PDE1C: variants seen among roughly 807,000 people sequenced by gnomAD.
PDE1C encodes the protein phosphodiesterase 1C.
PDE1C carries 62 observed loss-of-function variants against 93.1 expected under a neutral mutation model. That is an observed-to-expected ratio of 0.67 (90% CI 0.54 to 0.82). PDE1C has a LOEUF of 0.82. Ranked by LOEUF, PDE1C falls within the 40% of genes least tolerant of loss-of-function variation. PDE1C has a pLI of 0.00. For synonymous variants in PDE1C, 325 were observed against 310.1 expected (o/e 1.05, Z -0.50); for missense variants, 742 against 884.6 (o/e 0.84, Z 2.04).
At chr7:32,321,547 A>G (rs902561270) in intron 1 of PDE1C, among the ~76,000 whole-genome samples, 1 of 152,212 alleles carries the variant, frequency 6.6e-6, no homozygotes. Flanking sequence ...GAGTTAAGGA[A>G]CATTCCTGAC....
At chr7:32,076,249 T>C (rs73318393), upstream of PDE1C, among the ~76,000 whole-genome samples, 771 of 152,278 alleles carry the variant, frequency 5.1e-3, 8 homozygotes, top group African/African-American at 0.018. Context: ...AGGAAAGAGA[T>C]GGTCTATTTC....
At chr7:32,169,699 TG>T in intron 3 of PDE1C, 1 of 1,124,330 alleles carries the variant, frequency 8.9e-7, no homozygotes, top group African/African-American at 1.5e-5. Flanking sequence ...AGTAATTTGC[TG>T]GCCACACTGA....
At chr7:31,777,803 T>A (rs539836544) in intron 16 of PDE1C, among the ~76,000 whole-genome samples, 1 of 152,134 alleles carries the variant, frequency 6.6e-6, no homozygotes. Context: ...CAAAAACTGT[T>A]AATTTGTATG....
At chr7:31,945,385 T>A (rs934528399) in intron 2 of PDE1C, among the ~76,000 whole-genome samples, 2 of 152,200 alleles carry the variant, frequency 1.3e-5, no homozygotes, top group African/African-American at 4.8e-5. Context: ...TTCTCCTGGC[T>A]TTTAACATCT....
At chr7:32,426,740 G>T (rs997199355) in intron 1 of PDE1C, among the ~76,000 whole-genome samples, 1 of 152,160 alleles carries the variant, frequency 6.6e-6, no homozygotes, top group Non-Finnish European at 1.5e-5. Flanking sequence ...CCCCTTGAAA[G>T]GACAGAGTGT....
chr7:32,121,053 A>G (rs2128763945), intron 3 of PDE1C, among the ~76,000 whole-genome samples: 1 of 152,338 alleles, frequency 6.6e-6, no homozygotes. Flanking sequence ...GATGGGGCTG[A>G]AAAACACAAC....
intron 2 of PDE1C, among the ~76,000 whole-genome samples, chr7:32,203,713 G>A (rs1161180284): frequency 3.9e-5 from 6 of 152,282 alleles, no homozygotes; most frequent in Non-Finnish European, 5.9e-5. Flanking sequence ...TAACATGATT[G>A]CTGTTAATCA....
At chr7:32,179,264 TC>T (rs1803220539) in intron 2 of PDE1C, among the ~76,000 whole-genome samples, 1 of 99,916 alleles carries the variant, frequency 1.0e-5, no homozygotes, top group Non-Finnish European at 2.0e-5. Context: ...CCTGACTTAG[TC>T]TTTTTTTTTT....
intron 1 of PDE1C, among the ~76,000 whole-genome samples, chr7:32,058,857 T>C (rs1794452417): frequency 6.6e-6 from 1 of 152,148 alleles, no homozygotes. Flanking sequence ...AGCTCGAATA[T>C]TTAACTGATG....
At chr7:31,667,790 G>T in the PDE1C span, among the ~76,000 whole-genome samples, 2 of 151,948 alleles carry the variant, frequency 1.3e-5, no homozygotes, top group African/African-American at 4.8e-5. Context: ...ACTGAGGCAG[G>T]TCTCAATCAA....
Position 32,420,306 on chromosome 7 carries a change from TATAC to T in PDE1C, c.310+7512_310+7515del, listed in dbSNP as rs1272951157. On this transcript the variant is annotated intron_variant, in intron 1 of 1. Transcript: ENST00000672256. The stretch of plus-strand genomic sequence containing the variant: ...ACATGTGTATATATATGTGTATATA[TATAC>T]ATGTGTATATATATGTGTATATATA... 6.1e-4 allele frequency among the ~76,000 whole-genome samples: 15 copies of T among 24,692 alleles called. 7 individuals are homozygous for T. Among genetic ancestry groups the T allele is most frequent in the Admixed American group, 2.9e-3 (4 of 1,382 alleles). The allele number at this position is 24,692 out of a possible 152,430, so 16.2% of individuals were successfully genotyped here.
chr7:31,617,318 T>C, the PDE1C span, among the ~76,000 whole-genome samples: 1 of 152,176 alleles, frequency 6.6e-6, no homozygotes, highest in Non-Finnish European at 1.5e-5. Flanking sequence ...AGTATTTCAT[T>C]GATAAGCTAT....
At chr7:32,413,496 CCTCTTACA>C (rs1236698806) in intron 1 of PDE1C, among the ~76,000 whole-genome samples, 1 of 152,074 alleles carries the variant, frequency 6.6e-6, no homozygotes, top group East Asian at 1.9e-4. Flanking sequence ...CAATATGATT[CCTCTTACA>C]CGCAGGACCC....
intron 2 of PDE1C, among the ~76,000 whole-genome samples, chr7:32,173,060 A>T (rs1415514440): frequency 1.3e-5 from 2 of 152,142 alleles, no homozygotes; most frequent in East Asian, 1.9e-4. Flanking sequence ...ACATGCACAC[A>T]TATGTTTATT....
intron 1 of PDE1C, among the ~76,000 whole-genome samples, chr7:32,324,350 C>G (rs1783360281): frequency 6.6e-6 from 1 of 152,176 alleles, no homozygotes; most frequent in African/African-American, 2.4e-5. Flanking sequence ...AAAGCCAACC[C>G]CAGCCTTTTT....
intron 1 of PDE1C, among the ~76,000 whole-genome samples, chr7:32,317,529 T>C (rs548934854): frequency 1.2e-4 from 19 of 152,100 alleles, no homozygotes; most frequent in Admixed American, 2.0e-4. Context: ...CTGAAGGAGA[T>C]AACATTGTCT....
At chr7:31,769,939 T>G (rs2128621348) in intron 17 of PDE1C, among the ~76,000 whole-genome samples, 1 of 152,366 alleles carries the variant, frequency 6.6e-6, no homozygotes, top group South Asian at 2.1e-4. Flanking sequence ...GTATGAGTAC[T>G]TCATTTAAGT....
At chr7:32,204,697 T>G (rs1805293289) in intron 2 of PDE1C, among the ~76,000 whole-genome samples, 1 of 152,228 alleles carries the variant, frequency 6.6e-6, no homozygotes, top group African/African-American at 2.4e-5. Flanking sequence ...CAATGAAGAT[T>G]AGAAGTTACC....
intron 3 of PDE1C, among the ~76,000 whole-genome samples, chr7:32,150,701 T>C (rs1563355990): frequency 6.6e-6 from 1 of 152,190 alleles, no homozygotes; most frequent in African/African-American, 2.4e-5. Context: ...AGTTAATGTA[T>C]GCAAAGCACT....
Sources: allele counts gnomAD v4.1 joint callset (sites outside exome capture counted in the v4.1 genomes callset), GRCh38; gene constraint gnomAD v4.1.1; transcripts MANE v1.5; gene names NCBI Gene and HGNC (gene_info 2026-07-23, HGNC 2026-07-21).